CYYR1: variants seen among roughly 807,000 people sequenced by gnomAD.
CYYR1 encodes cysteine and tyrosine-rich protein 1.
Under a neutral mutation model 15.2 loss-of-function variants are expected in CYYR1, and 14 were observed. The observed-to-expected ratio is 0.92, with a 90% CI of 0.61 to 1.44. The LOEUF (loss-of-function observed/expected upper bound fraction) is 1.44. Ranked by LOEUF, CYYR1 falls within the 40% of genes most tolerant of loss-of-function variation. CYYR1 has a pLI of 0.00. For synonymous variants in CYYR1, 80 were observed against 77.4 expected (o/e 1.03, Z -0.18); for missense variants, 228 against 209.5 (o/e 1.09, Z -0.54).
In CYYR1 at chr21:26,509,146, C is replaced by T. The variant is rs574720318; in HGVS notation, c.177-28717G>A. Among the ~76,000 whole-genome samples the T allele has an allele frequency of 2.6e-5, 4 of 152,268 alleles. No homozygotes were observed. The South Asian group carries it at 6.2e-4, about 24-fold the overall frequency. ...AGCCTACAAACCCCTCCATGATATG[C>T]CTTGTTCTCCTTGTCTCTCTAACCT... is the stretch of plus-strand genomic sequence containing the variant. On this transcript the variant is annotated intron_variant, in intron 2 of 3. Coordinates refer to ENST00000652641, the MANE Select transcript of CYYR1 (RefSeq NM_001320768.2).
chr21:26,477,512 A>G, intron 3 of CYYR1: 1 of 210,266 alleles, frequency 4.8e-6, no homozygotes. Context: ...AGTTTTAAAA[A>G]CATATTTCCG....
At chr21:26,472,653 C>T (rs2065050603) in intron 3 of CYYR1, among the ~76,000 whole-genome samples, 1 of 151,836 alleles carries the variant, frequency 6.6e-6, no homozygotes, top group South Asian at 2.1e-4. Context: ...ATCTTAATTT[C>T]AATGAAGATA....
At chr21:26,530,202 A>G (rs1249516079) in intron 2 of CYYR1, among the ~76,000 whole-genome samples, 8 of 152,304 alleles carry the variant, frequency 5.3e-5, no homozygotes, top group Admixed American at 3.9e-4. Flanking sequence ...ACAGAATTCA[A>G]TCTGCTCCAG....
chr21:26,548,152 AT>A (rs1979115862), intron 2 of CYYR1, among the ~76,000 whole-genome samples: 1 of 152,198 alleles, frequency 6.6e-6, no homozygotes, highest in Non-Finnish European at 1.5e-5. Context: ...ACACAAATGA[AT>A]TTTATATAGC....
rs554843409 is a variant in CYYR1, at chr21:26,539,122, C to T, written c.176+27144G>A. 2.0e-5 allele frequency among the ~76,000 whole-genome samples: 3 copies of T among 152,160 alleles called. No individual in the cohort carries two copies. The East Asian group carries it at 5.8e-4, about 29-fold the overall frequency. ...GGTTTGTTGCCTATACTCAAAGATGCCAGAAATGCTGACTTTCAGAAGTTA... is the reference window on the plus strand; with the variant it reads ...GGTTTGTTGCCTATACTCAAAGATGTCAGAAATGCTGACTTTCAGAAGTTA... On this transcript the variant is annotated intron_variant, in intron 2 of 3. Coordinates refer to ENST00000652641, the MANE Select transcript of CYYR1 (RefSeq NM_001320768.2).
intron 2 of CYYR1, among the ~76,000 whole-genome samples, chr21:26,537,654 C>T (rs1450656383): frequency 6.6e-6 from 1 of 152,060 alleles, no homozygotes; most frequent in African/African-American, 2.4e-5. Flanking sequence ...GCTTAACCTC[C>T]AACTGCAGCA....
intron 2 of CYYR1, among the ~76,000 whole-genome samples, chr21:26,562,758 A>G (rs1273041132): frequency 7.9e-6 from 1 of 127,002 alleles, no homozygotes; most frequent in African/African-American, 3.2e-5. Flanking sequence ...ACACACACAC[A>G]CAGAGACATA....
At chr21:26,477,443 C>T (rs2065119506) in intron 3 of CYYR1, 1 of 154,462 alleles carries the variant, frequency 6.5e-6, no homozygotes, top group Admixed American at 6.6e-5. Flanking sequence ...GAGAACAATG[C>T]ATTTAATAAA....
intron 2 of CYYR1, among the ~76,000 whole-genome samples, chr21:26,544,453 T>C (rs1978805249): frequency 6.6e-6 from 1 of 152,230 alleles, no homozygotes; most frequent in Admixed American, 6.5e-5. Context: ...ATCAGTCACC[T>C]GAATCCCAAG....
At chr21:26,511,928 C>T (rs2065653217) in intron 2 of CYYR1, among the ~76,000 whole-genome samples, 1 of 151,796 alleles carries the variant, frequency 6.6e-6, no homozygotes, top group African/African-American at 2.4e-5. Flanking sequence ...AAATAGAAGG[C>T]CTAGTTCAAA....
chr21:26,479,310 A>G (rs1396981285), intron 3 of CYYR1, among the ~76,000 whole-genome samples: 20 of 152,096 alleles, frequency 1.3e-4, no homozygotes, highest in Non-Finnish European at 5.9e-5. Flanking sequence ...AGGAAAAAAA[A>G]AAAAAAGATT....
rs576511691 is a variant in CYYR1 at position 26,526,652 on chromosome 21, G to A, written c.176+39614C>T. Among the ~76,000 whole-genome samples the A allele has an allele frequency of 9.9e-5, 15 of 152,220 alleles. No individual in the cohort carries two copies. In the South Asian group the frequency reaches 2.5e-3, roughly 25 times the overall value. ...GAAATAATGAATGAATTCTAATGCCGAATAAGGATTTCAGGAACACATCTT... is the reference window on the plus strand; with the variant it reads ...GAAATAATGAATGAATTCTAATGCCAAATAAGGATTTCAGGAACACATCTT... On this transcript the variant is annotated intron_variant, in intron 2 of 3. Transcript: ENST00000652641.
chr21:26,504,858 G>A (rs2065533414), intron 2 of CYYR1, among the ~76,000 whole-genome samples: 1 of 151,996 alleles, frequency 6.6e-6, no homozygotes, highest in South Asian at 2.1e-4. Context: ...CTATGTCCGT[G>A]AGTTGAATTG....
intron 2 of CYYR1, chr21:26,506,425 G>A (rs573812311): frequency 2.0e-5 from 3 of 152,254 alleles, no homozygotes; most frequent in East Asian, 1.9e-4. Context: ...ATTTTTGACT[G>A]TCATTGTATT....
intron 2 of CYYR1, among the ~76,000 whole-genome samples, chr21:26,521,028 G>A (rs868207796): frequency 2.0e-5 from 3 of 152,096 alleles, no homozygotes; most frequent in Non-Finnish European, 4.4e-5. Flanking sequence ...ACTGGGTCCC[G>A]TCAGGGGGTG....
At chr21:26,535,379 C>T (rs922379082) in intron 2 of CYYR1, among the ~76,000 whole-genome samples, 5 of 152,196 alleles carry the variant, frequency 3.3e-5, no homozygotes, top group Admixed American at 3.3e-4. Context: ...AACGAGTAGG[C>T]CGCTTTAAGA....
chr21:26,531,561 G>A (rs1443462372), intron 2 of CYYR1, among the ~76,000 whole-genome samples: 1 of 152,034 alleles, frequency 6.6e-6, no homozygotes, highest in Non-Finnish European at 1.5e-5. Flanking sequence ...CTCCAACATG[G>A]GGAGTCATGC....
At chr21:26,485,431 A>G (rs1443350325) in intron 2 of CYYR1, among the ~76,000 whole-genome samples, 1 of 152,136 alleles carries the variant, frequency 6.6e-6, no homozygotes, top group Non-Finnish European at 1.5e-5. Context: ...CCATCATCAC[A>G]AAATATTTCC....
At chr21:26,499,865 C>G (rs897445969) in intron 2 of CYYR1, among the ~76,000 whole-genome samples, 2 of 146,922 alleles carry the variant, frequency 1.4e-5, no homozygotes. Context: ...GAGAAGGGGT[C>G]TATGGTAGTG....
Sources: allele counts gnomAD v4.1 joint callset (sites outside exome capture counted in the v4.1 genomes callset), GRCh38; gene constraint gnomAD v4.1.1; transcripts MANE v1.5; gene names NCBI Gene and HGNC (gene_info 2026-07-23, HGNC 2026-07-21).